Variants in SPATA16 observed in about 807,000 individuals in gnomAD.
SPATA16 encodes the protein spermatogenesis-associated protein 16.
A neutral mutation model predicts 63.3 loss-of-function variants in SPATA16; 36 were observed. That is an observed-to-expected ratio of 0.57 (90% CI 0.44 to 0.75). The LOEUF is 0.75. SPATA16 is among the 30% of genes least tolerant of loss of function. The pLI, the probability that SPATA16 is intolerant of heterozygous loss-of-function variation, is 0.00. For missense variants in SPATA16, 646 were observed against 679.3 expected (o/e 0.95, Z 0.54); for synonymous variants, 203 against 216.7 (o/e 0.94, Z 0.56).
chr3:172,934,999 G>A (rs1467336428), intron 6 of SPATA16, among the ~76,000 whole-genome samples: 2 of 151,934 alleles, frequency 1.3e-5, no homozygotes, highest in African/African-American at 4.8e-5. Context: ...AAAGTAATAA[G>A]ACCTGAAATA....
chr3:173,118,716 G>A (rs2108338171), intron 1 of SPATA16, among the ~76,000 whole-genome samples: 1 of 152,250 alleles, frequency 6.6e-6, no homozygotes, highest in East Asian at 1.9e-4. Context: ...AGGTCACATT[G>A]GTTGGTCATT....
chr3:172,939,234 T>A (rs1001650131), intron 6 of SPATA16, among the ~76,000 whole-genome samples: 2 of 152,188 alleles, frequency 1.3e-5, no homozygotes, highest in African/African-American at 2.4e-5. Context: ...AGCTGCCTGA[T>A]CCTTCTTGCT....
chr3:173,117,097 C>T, intron 2 of SPATA16, 23 bp downstream of exon 2: 3 of 1,610,172 alleles, frequency 1.9e-6, no homozygotes, highest in South Asian at 2.2e-5. Flanking sequence ...TGTCACCAAT[C>T]TATATTTTCT....
chr3:173,012,683 C>G (rs1266102393), intron 4 of SPATA16, among the ~76,000 whole-genome samples: 4 of 152,066 alleles, frequency 2.6e-5, no homozygotes, highest in Non-Finnish European at 1.5e-5. Context: ...GGGGAAAGGA[C>G]TTCATATTCA....
chr3:173,110,796 G>A (rs938574886), intron 2 of SPATA16, among the ~76,000 whole-genome samples: 2 of 152,146 alleles, frequency 1.3e-5, no homozygotes, highest in South Asian at 2.1e-4. Context: ...GGCCACTTAC[G>A]ACTACGTGAG....
chr3:172,930,895 T>C (rs1030826427), intron 6 of SPATA16, among the ~76,000 whole-genome samples: 1 of 151,474 alleles, frequency 6.6e-6, no homozygotes, highest in Non-Finnish European at 1.5e-5. Flanking sequence ...AATGGCACCA[T>C]CTTGGCTCAC....
At chr3:173,102,595 T>G (rs1263208866) in intron 2 of SPATA16, among the ~76,000 whole-genome samples, 2 of 152,128 alleles carry the variant, frequency 1.3e-5, no homozygotes, top group Non-Finnish European at 2.9e-5. Context: ...CACTATTGTG[T>G]GGACAGCACC....
intron 2 of SPATA16, among the ~76,000 whole-genome samples, chr3:173,114,179 CAAAAAAAAAA>C (rs34754459): frequency 1.4e-3 from 90 of 66,280 alleles, no homozygotes; most frequent in Middle Eastern, 0.015. Flanking sequence ...GACTCCATCT[CAAAAAAAAAA>C]AAAAAAAAAA....
rs538507286 is a variant in SPATA16, at chr3:172,933,716, G to T, written c.1082-8224C>A. Among the ~76,000 whole-genome samples, 3 of 152,304 alleles carry T rather than the reference G, an allele frequency of 2.0e-5. No homozygotes were observed. In the East Asian group the frequency reaches 5.8e-4, roughly 29 times the overall value. ...GTGGATCTTCAAGTTATGTAAATCA[G>T]TGTGTTCCAATGTGTTCTGCCCCTT... is the stretch of plus-strand genomic sequence containing the variant. On this transcript the variant is annotated intron_variant, in intron 6 of 10. Transcript: ENST00000351008.
At chr3:173,064,983 G>A (rs1207822136) in intron 2 of SPATA16, among the ~76,000 whole-genome samples, 1 of 152,214 alleles carries the variant, frequency 6.6e-6, no homozygotes, top group Non-Finnish European at 1.5e-5. Flanking sequence ...TATGACACAA[G>A]TGGGTCTCTA....
At chr3:173,074,825 C>G (rs529189835) in intron 2 of SPATA16, among the ~76,000 whole-genome samples, 2 of 151,820 alleles carry the variant, frequency 1.3e-5, no homozygotes, top group Admixed American at 1.3e-4. Context: ...TGGTGAAATC[C>G]TGTCTCTACT....
chr3:172,958,044 A>G (rs1223893298), intron 5 of SPATA16, among the ~76,000 whole-genome samples: 1 of 152,250 alleles, frequency 6.6e-6, no homozygotes, highest in Non-Finnish European at 1.5e-5. Context: ...AATGAAATTC[A>G]ACAAACTATT....
chr3:173,136,655 G>A (rs1310673664), intron 1 of SPATA16, among the ~76,000 whole-genome samples: 1 of 152,164 alleles, frequency 6.6e-6, no homozygotes, highest in Admixed American at 6.6e-5. Flanking sequence ...AAATTTAGCT[G>A]TGGCAGAGGG....
At chr3:173,110,601 A>G (rs1737726831) in intron 2 of SPATA16, among the ~76,000 whole-genome samples, 1 of 152,212 alleles carries the variant, frequency 6.6e-6, no homozygotes, top group Non-Finnish European at 1.5e-5. Context: ...AGATTTCATT[A>G]TGTTTTTCAA....
At chr3:172,939,614 C>T (rs773807775) in intron 6 of SPATA16, among the ~76,000 whole-genome samples, 4 of 152,152 alleles carry the variant, frequency 2.6e-5, no homozygotes, top group Non-Finnish European at 5.9e-5. Context: ...ACACAGACTA[C>T]GATTACACTG....
intron 6 of SPATA16, among the ~76,000 whole-genome samples, chr3:172,940,756 G>A (rs1479542332): frequency 6.6e-6 from 1 of 152,012 alleles, no homozygotes; most frequent in African/African-American, 2.4e-5. Flanking sequence ...GGAGGCTGAG[G>A]CAGGCGGATT....
intron 2 of SPATA16, among the ~76,000 whole-genome samples, chr3:173,116,420 G>T (rs918621430): frequency 8.5e-5 from 13 of 152,116 alleles, no homozygotes; most frequent in Non-Finnish European, 4.4e-5. Flanking sequence ...TCCTTCTATA[G>T]GTACAGTATG....
At chr3:173,105,690 G>A (rs1173064229) in intron 2 of SPATA16, among the ~76,000 whole-genome samples, 1 of 152,122 alleles carries the variant, frequency 6.6e-6, no homozygotes, top group Non-Finnish European at 1.5e-5. Flanking sequence ...GGGCTTGCCA[G>A]CAGCCTTCAC....
chr3:172,935,229 T>A (rs1294310649), intron 6 of SPATA16, among the ~76,000 whole-genome samples: 1 of 152,096 alleles, frequency 6.6e-6, no homozygotes, highest in African/African-American at 2.4e-5. Flanking sequence ...ACTTAGAAGG[T>A]TGAGGTGTGA....
Sources: allele counts gnomAD v4.1 joint callset (sites outside exome capture counted in the v4.1 genomes callset), GRCh38; gene constraint gnomAD v4.1.1; transcripts MANE v1.5; gene names NCBI Gene and HGNC (gene_info 2026-07-23, HGNC 2026-07-21).